Variants in PREX1 observed in about 807,000 individuals in gnomAD.
The protein encoded by PREX1 is phosphatidylinositol 3,4,5-trisphosphate-dependent Rac exchanger 1 protein.
In PREX1, 41 loss-of-function variants were observed where a neutral mutation model predicts 198.3. That is an observed-to-expected ratio of 0.21 (90% CI 0.16 to 0.27). The LOEUF (loss-of-function observed/expected upper bound fraction) is 0.27, where lower values mean the gene tolerates loss of function less well. PREX1 is among the 10% of genes least tolerant of loss of function. PREX1 has a pLI of 1.00. For missense variants in PREX1, 1,620 were observed against 2,200.7 expected, an observed-to-expected ratio of 0.74 and a Z score of 5.28; for synonymous variants, 843 against 887.2, an observed-to-expected ratio of 0.95 and a Z score of 0.89.
chr20:48,770,756 G>A (rs2090231678), intron 1 of PREX1, among the ~76,000 whole-genome samples: 1 of 152,056 alleles, frequency 6.6e-6, no homozygotes, highest in African/African-American at 2.4e-5. Context: ...AAAGGAAACT[G>A]GAGACCCAGA....
At chr20:48,670,496 G>C (rs1242678556) in intron 14 of PREX1, among the ~76,000 whole-genome samples, 2 of 152,192 alleles carry the variant, frequency 1.3e-5, no homozygotes, top group Admixed American at 6.5e-5. Context: ...CCCCTGCCCT[G>C]CATGTGACGG....
chr20:48,638,915 C>T (rs1012290727), intron 30 of PREX1, among the ~76,000 whole-genome samples: 16 of 152,090 alleles, frequency 1.1e-4, no homozygotes, highest in Admixed American at 7.2e-4. Context: ...GACCCAGAGT[C>T]GATGCTCCTC....
At chr20:48,800,340 G>A (rs2090380905) in intron 1 of PREX1, among the ~76,000 whole-genome samples, 1 of 152,166 alleles carries the variant, frequency 6.6e-6, no homozygotes, top group Non-Finnish European at 1.5e-5. Context: ...AGGTCTGAGG[G>A]GTTTCCTGAG....
At chr20:48,778,494 G>GTGA (rs1427242175) in intron 1 of PREX1, among the ~76,000 whole-genome samples, 1 of 152,120 alleles carries the variant, frequency 6.6e-6, no homozygotes, top group Non-Finnish European at 1.5e-5. Flanking sequence ...AGAGGCTGAG[G>GTGA]TGGGACAATC....
chr20:48,874,796 G>T, the PREX1 span, among the ~76,000 whole-genome samples: 1 of 151,638 alleles, frequency 6.6e-6, no homozygotes, highest in Non-Finnish European at 1.5e-5. Context: ...AGGATCACTT[G>T]AACCCAGGAG....
At chr20:48,644,591 C>A (rs1038871716) in intron 26 of PREX1, 94 bp from the exon 27 acceptor site, 2 of 1,120,550 alleles carry the variant, frequency 1.8e-6, no homozygotes, top group East Asian at 5.2e-5. Flanking sequence ...GTAGACAAAA[C>A]CCCTGGGCCC....
intron 6 of PREX1, among the ~76,000 whole-genome samples, chr20:48,704,214 A>G (rs111952230): frequency 0.012 from 1,821 of 152,254 alleles, 40 homozygotes; most frequent in African/African-American, 0.042. Flanking sequence ...AACCCAGACA[A>G]GCAGCCTCCA....
At chr20:48,842,739 T>C in the PREX1 span, among the ~76,000 whole-genome samples, 3 of 151,970 alleles carry the variant, frequency 2.0e-5, no homozygotes, top group Non-Finnish European at 4.4e-5. Flanking sequence ...TTGGGAATTA[T>C]GAAGAGATGA....
chr20:48,860,408 C>T, the PREX1 span, among the ~76,000 whole-genome samples: 1 of 152,122 alleles, frequency 6.6e-6, no homozygotes, highest in Non-Finnish European at 1.5e-5. Context: ...GCATGGAGTT[C>T]GGCTTTGCAA....
intron 1 of PREX1, among the ~76,000 whole-genome samples, chr20:48,780,555 T>A (rs1302669276): frequency 6.6e-6 from 1 of 152,048 alleles, no homozygotes; most frequent in Non-Finnish European, 1.5e-5. Flanking sequence ...CAGAAAGAAC[T>A]CCTAATGGCC....
At position 48,636,628 on chromosome 20, in the gene PREX1, G is replaced by A. The variant is rs143098526; in HGVS notation, c.4002C>T (p.Ala1334=). 3.7e-5 allele frequency: 60 copies of A among 1,611,274 alleles called. No individual in the cohort carries two copies. The highest frequency in any genetic ancestry group is 3.6e-4 in the East Asian group (16 of 44,846). Residue 1334 remains alanine, a synonymous_variant, in exon 32 of 40, where the codon GCC becomes GCT. Transcript: ENST00000371941. ...GCAGCTGCTTGGAGAAGGTGCACAC[G>A]GCGGCCACCAGGGCCTGGCAGAAGA... ...DAIFCQALVA[A]VCTFSKQLLA...
intron 33 of PREX1, 34 bp downstream of exon 33, chr20:48,634,642 C>A: frequency 6.2e-7 from 1 of 1,602,948 alleles, no homozygotes; most frequent in Non-Finnish European, 8.5e-7. Context: ...CAGGACCCCA[C>A]CTCTCACAGT....
chr20:48,736,878 T>TGGTTGGTGAGAGTG, intron 3 of PREX1, among the ~76,000 whole-genome samples: 1 of 152,094 alleles, frequency 6.6e-6, no homozygotes, highest in Non-Finnish European at 1.5e-5. Flanking sequence ...ACCCTGTAAG[T>TGGTTGGTGAGAGTG]GCCAAGGAGA....
chr20:48,681,183 G>T (rs1055858982), intron 11 of PREX1, 52 bp downstream of exon 11: 43 of 1,463,642 alleles, frequency 2.9e-5, no homozygotes, highest in African/African-American at 1.4e-5. Flanking sequence ...GCACAGTTGG[G>T]GTCTGACCTG....
intron 10 of PREX1, 74 bp downstream of exon 10, chr20:48,688,583 G>A: frequency 6.3e-7 from 1 of 1,589,094 alleles, no homozygotes; most frequent in South Asian, 1.1e-5. Context: ...GGCTGCATGG[G>A]TGGATGGGGA....
At chr20:48,646,643 C>T (rs1308585731) in intron 25 of PREX1, among the ~76,000 whole-genome samples, 1 of 147,180 alleles carries the variant, frequency 6.8e-6, no homozygotes, top group African/African-American at 2.5e-5. Context: ...GAGCCAAGAT[C>T]GCACCACTGC....
chr20:48,629,367 G>A, intron 37 of PREX1, 82 bp downstream of exon 37: 1 of 1,522,880 alleles, frequency 6.6e-7, no homozygotes, highest in Non-Finnish European at 8.9e-7. Context: ...CAGCCTTCCT[G>A]CCTCCTTGCC....
chr20:48,851,937 G>C, the PREX1 span, among the ~76,000 whole-genome samples: 1 of 152,046 alleles, frequency 6.6e-6, no homozygotes, highest in Non-Finnish European at 1.5e-5. Context: ...AGGCAGTATG[G>C]GATTATTTGC....
rs199883390 is a variant in PREX1, at chr20:48,747,848, G to A, written c.252C>T (p.Ala84=). ...AFLHRIRQNV[A]DSVEKGLTEE... is the part of the protein sequence containing the mutation. ...CCGTGAGGCCCTTCTCCACTGAGTC[G>A]GCCACGTTCTGCCGGATGCGATGCA... is the stretch of plus-strand genomic sequence containing the variant. Residue 84 remains alanine, a synonymous_variant, in exon 2 of 40, where the codon GCC becomes GCT. Coordinates refer to ENST00000371941, the MANE Select transcript of PREX1 (RefSeq NM_020820.4). 298 of 1,613,480 alleles carry A rather than the reference G, an allele frequency of 1.8e-4. No individual in the cohort carries two copies. Among genetic ancestry groups the A allele is most frequent in the Non-Finnish European group, 2.4e-4 (279 of 1,179,886 alleles).
Sources: gnomAD v4.1 joint callset for allele counts (sites outside exome capture counted in the v4.1 genomes callset) on GRCh38, gnomAD v4.1.1 for gene constraint, MANE v1.5 for transcripts, NCBI Gene and HGNC (gene_info 2026-07-23, HGNC 2026-07-21) for gene names.